The following INPP4B variants were observed in gnomAD, a reference collection of about 807,000 sequenced individuals.
The protein encoded by INPP4B is inositol polyphosphate-4-phosphatase type II B, also known as inositol polyphosphate 4-phosphatase type II.
In INPP4B, 55 loss-of-function variants were observed where a neutral mutation model predicts 122.5. That is an observed-to-expected ratio of 0.45 (90% CI 0.36 to 0.56). The LOEUF (loss-of-function observed/expected upper bound fraction) is 0.56. Ranked by LOEUF, INPP4B falls within the 20% of genes least tolerant of loss-of-function variation. The probability of loss-of-function intolerance (pLI) is 0.00; values close to 1 mark genes in which losing one functional copy is unlikely to be tolerated. For missense variants in INPP4B, 1,000 were observed against 1,097.7 expected (o/e 0.91, Z 1.26); for synonymous variants, 403 against 388.7 (o/e 1.04, Z -0.43).
At chr4:142,695,719 T>C (rs1201889723) in intron 2 of INPP4B, among the ~76,000 whole-genome samples, 2 of 152,194 alleles carry the variant, frequency 1.3e-5, no homozygotes, top group Admixed American at 6.5e-5. Context: ...ATCAGTTATA[T>C]AATGCTCATT....
At chr4:142,341,305 A>G (rs1303753979) in intron 7 of INPP4B, among the ~76,000 whole-genome samples, 1 of 152,242 alleles carries the variant, frequency 6.6e-6, no homozygotes, top group Non-Finnish European at 1.5e-5. Context: ...CAAAGTTTCT[A>G]TATATAAAAA....
At chr4:142,836,962 T>C (rs1782862484) in intron 1 of INPP4B, among the ~76,000 whole-genome samples, 1 of 151,646 alleles carries the variant, frequency 6.6e-6, no homozygotes, top group African/African-American at 2.4e-5. Flanking sequence ...GGTCAGGAGT[T>C]CGTAACCAGC....
In INPP4B at chr4:142,504,319, A is replaced by G. The variant is rs141599973; in HGVS notation, c.-190-41593T>C. On this transcript the variant is annotated intron_variant, in intron 2 of 25. Transcript: ENST00000262992. ...ACAGTGAAATGTCACTTTATACCTA[A>G]CAGACTTCCAAAAATTAAAAAAGCT... 1.3e-4 allele frequency among the ~76,000 whole-genome samples: 20 copies of G among 152,108 alleles called. No individual in the cohort carries two copies. In the South Asian group the frequency reaches 1.5e-3, roughly 11 times the overall value.
intron 2 of INPP4B, among the ~76,000 whole-genome samples, chr4:142,536,075 C>T (rs889796637): frequency 6.6e-6 from 1 of 152,208 alleles, no homozygotes; most frequent in African/African-American, 2.4e-5. Context: ...CAGAGCAAGA[C>T]TCTGCAGGAC....
chr4:142,583,356 A>G (rs776125058), intron 2 of INPP4B: 11 of 152,186 alleles, frequency 7.2e-5, no homozygotes, highest in Non-Finnish European at 1.3e-4. Context: ...TTCCTGCCCC[A>G]CTTACCTCTC....
intron 2 of INPP4B, among the ~76,000 whole-genome samples, chr4:142,644,479 G>T (rs1751276730): frequency 1.3e-5 from 2 of 151,912 alleles, no homozygotes; most frequent in South Asian, 4.2e-4. Flanking sequence ...CTTTAAGACA[G>T]GATTTTTTTA....
At chr4:142,435,153 A>C (rs1810155541) in intron 3 of INPP4B, among the ~76,000 whole-genome samples, 1 of 152,126 alleles carries the variant, frequency 6.6e-6, no homozygotes, top group Admixed American at 6.5e-5. Context: ...TTCCTCACAC[A>C]AGTGGCACTA....
intron 1 of INPP4B, among the ~76,000 whole-genome samples, chr4:142,736,465 T>C (rs1766913678): frequency 6.6e-6 from 1 of 152,164 alleles, no homozygotes; most frequent in Non-Finnish European, 1.5e-5. Context: ...TTCTCCTCTT[T>C]TATTTTGTTG....
In INPP4B at chr4:142,254,022, TGC is replaced by T. The variant is rs568761856; in HGVS notation, c.688+6468_688+6469del. 2.6e-3 allele frequency among the ~76,000 whole-genome samples: 305 copies of T among 118,898 alleles called. 2 individuals are homozygous for T. The highest frequency in any genetic ancestry group is 7.4e-3 in the African/African-American group (300 of 40,416). The allele number at this position is 118,898 out of a possible 152,430, so 78.0% of individuals were successfully genotyped here. ...GCTAGAGATCTGAGAACGGGCAGAC[TGC>T]CTCCTCTAGTGGGTCCCTGACCCCT... On this transcript the variant is annotated intron_variant, in intron 11 of 25. Coordinates refer to ENST00000262992, the MANE Select transcript of INPP4B (RefSeq NM_001101669.3).
intron 2 of INPP4B, among the ~76,000 whole-genome samples, chr4:142,627,542 T>C (rs1746749029): frequency 7.2e-6 from 1 of 138,254 alleles, no homozygotes; most frequent in Admixed American, 7.6e-5. Flanking sequence ...TCTGTTTATA[T>C]GCTGGATTAC....
intron 5 of INPP4B, among the ~76,000 whole-genome samples, chr4:142,425,592 C>G (rs758858924): frequency 1.4e-4 from 21 of 152,034 alleles, no homozygotes; most frequent in Non-Finnish European, 2.6e-4. Flanking sequence ...GAAAGTCACC[C>G]AATTCTTAGG....
At chr4:142,236,107 T>C (rs1856599406) in intron 12 of INPP4B, among the ~76,000 whole-genome samples, 1 of 152,214 alleles carries the variant, frequency 6.6e-6, no homozygotes, top group Non-Finnish European at 1.5e-5. Context: ...GCCTGGAATC[T>C]CATGCTTGTC....
intron 2 of INPP4B, among the ~76,000 whole-genome samples, chr4:142,537,597 A>G (rs546222032): frequency 6.6e-6 from 1 of 151,804 alleles, no homozygotes; most frequent in South Asian, 2.1e-4. Context: ...CAGAAGTTGC[A>G]ACTTTAAGCA....
intron 2 of INPP4B, among the ~76,000 whole-genome samples, chr4:142,525,121 G>A (rs1277995653): frequency 2.0e-5 from 3 of 150,284 alleles, no homozygotes; most frequent in South Asian, 2.1e-4. Flanking sequence ...CAAATCATGA[G>A]TGAACTCCCA....
At chr4:142,526,289 G>A (rs1001982165) in intron 2 of INPP4B, among the ~76,000 whole-genome samples, 1 of 151,998 alleles carries the variant, frequency 6.6e-6, no homozygotes, top group Non-Finnish European at 1.5e-5. Context: ...GTGTAAAAGT[G>A]CACAAAGAGT....
chr4:142,598,015 C>A (rs1739084456), intron 2 of INPP4B, among the ~76,000 whole-genome samples: 1 of 152,170 alleles, frequency 6.6e-6, no homozygotes, highest in Admixed American at 6.5e-5. Context: ...AAACATTGCA[C>A]ACCTGTCCTC....
At chr4:142,534,686 T>C (rs933052268) in intron 2 of INPP4B, among the ~76,000 whole-genome samples, 1 of 150,344 alleles carries the variant, frequency 6.7e-6, no homozygotes, top group African/African-American at 2.4e-5. Flanking sequence ...ATAATTATAA[T>C]AAATATTTAA....
chr4:142,026,626 C>A lies in INPP4B; in HGVS notation c.*2156G>T, dbSNP rs1737084527. 6.6e-6 allele frequency: 1 copy of A among 152,276 alleles called. No individual in the cohort carries two copies. The highest frequency in any genetic ancestry group is 2.1e-4 in the South Asian group (1 of 4,830). The allele number at this position is 152,276 out of a possible 1,614,324, so 9.4% of individuals were successfully genotyped here. On this transcript the variant is annotated 3_prime_UTR_variant, in exon 26 of 26. Coordinates refer to ENST00000262992, the MANE Select transcript of INPP4B (RefSeq NM_001101669.3). ...GGATTACACGTGTGTGCCACCACAT[C>A]CAGCTAATTTTTGTATCTTTAGTAG...
chr4:142,295,836 C>T (rs534956169), intron 9 of INPP4B, among the ~76,000 whole-genome samples: 57 of 151,802 alleles, frequency 3.8e-4, no homozygotes, highest in Non-Finnish European at 6.3e-4. Context: ...AAAGGGATAC[C>T]GGTTTTACAA....
Sources: allele counts gnomAD v4.1 joint callset (sites outside exome capture counted in the v4.1 genomes callset), GRCh38; gene constraint gnomAD v4.1.1; transcripts MANE v1.5; gene names NCBI Gene and HGNC (gene_info 2026-07-23, HGNC 2026-07-21).